MPST: variants seen among roughly 807,000 people sequenced by gnomAD.
The protein encoded by MPST is mercaptopyruvate sulfurtransferase.
Under a neutral mutation model 28.5 loss-of-function variants are expected in MPST, and 27 were observed. The observed-to-expected ratio is 0.95, with a 90% confidence interval of 0.70 to 1.31. MPST has a LOEUF of 1.31. MPST is among the 50% of genes most tolerant of loss of function. The pLI, the probability that MPST is intolerant of heterozygous loss-of-function variation, is 0.00. For synonymous variants in MPST, 204 were observed against 209.3 expected (o/e 0.97, Z 0.22); for missense variants, 492 against 471.1 (o/e 1.04, Z -0.41).
chr22:37,022,735 C>G (rs927650132), intron 1 of MPST, among the ~76,000 whole-genome samples: 1 of 152,238 alleles, frequency 6.6e-6, no homozygotes, highest in Non-Finnish European at 1.5e-5. Context: ...CACAGAGGCA[C>G]TCGGTCCACA....
intron 1 of MPST, chr22:37,023,972 G>A: frequency 7.4e-6 from 11 of 1,487,564 alleles, no homozygotes; most frequent in Non-Finnish European, 9.8e-6. Context: ...ATGGTCATTG[G>A]GTCACTCGGA....
At chr22:37,028,241 A>C (rs957733237) in intron 2 of MPST, 2 of 152,070 alleles carry the variant, frequency 1.3e-5, no homozygotes, top group Non-Finnish European at 2.9e-5. Context: ...TGTCTATAAA[A>C]ACCAAATTAG....
At chr22:37,023,918 G>T in intron 1 of MPST, 1 of 1,517,038 alleles carries the variant, frequency 6.6e-7, no homozygotes, top group Non-Finnish European at 8.8e-7. Context: ...CTCCTGCCCA[G>T]CAAGTGGAGG....
At chr22:37,029,084 T>G in intron 2 of MPST, 132 bp from the exon 3 acceptor site, 5 of 826,760 alleles carry the variant, frequency 6.0e-6, no homozygotes, top group Non-Finnish European at 9.3e-6. Flanking sequence ...GAGAATTAAA[T>G]GAGATGGTGG....
intron 1 of MPST, chr22:37,023,698 G>T: frequency 1.0e-6 from 1 of 962,758 alleles, no homozygotes; most frequent in Non-Finnish European, 1.3e-6. Flanking sequence ...ATATTGTTAG[G>T]ATTCAGTGGT....
intron 1 of MPST, among the ~76,000 whole-genome samples, chr22:37,021,498 A>C (rs780720826): frequency 2.0e-5 from 3 of 151,996 alleles, no homozygotes; most frequent in Admixed American, 6.6e-5. Context: ...TTTGAGATGG[A>C]GTCTCACTCT....
chr22:37,024,293 G>A lies in MPST; in HGVS notation c.138G>A (p.Gly46=), dbSNP rs1433696275. ...AGGCGCTGCGGGCCCCGCGCGCTGG[G>A]CAGCCTCTGCAGCTGCTGGACGCCT... ...VAEALRAPRA[G]QPLQLLDASW... The change falls in exon 2 of 3, where the codon GGG becomes GGA. Residue 46 remains glycine, a synonymous_variant. Transcript: ENST00000429360. 5 of 1,522,186 alleles carry A rather than the reference G, an allele frequency of 3.3e-6. No homozygotes were observed. Among genetic ancestry groups the A allele is most frequent in the Admixed American group, 2.0e-5 (1 of 48,884 alleles). 94.3% of individuals were successfully genotyped at this position (1,522,186 alleles called of 1,614,324 possible). A position where few individuals can be genotyped will look rare whatever the true frequency, so the allele number is the denominator to read the frequency against.
intron 1 of MPST, chr22:37,020,105 T>G (rs1922957413): frequency 6.6e-5 from 24 of 362,472 alleles, no homozygotes; most frequent in Non-Finnish European, 6.8e-5. Flanking sequence ...GGTGACCTGG[T>G]GGCACCAGAG....
At chr22:37,023,068 G>A (rs1273707137) in intron 1 of MPST, 1 of 153,098 alleles carries the variant, frequency 6.5e-6, no homozygotes, top group Admixed American at 6.5e-5. Flanking sequence ...GAGAGGAGAG[G>A]GAGGGAGGTG....
intron 2 of MPST, chr22:37,025,357 TC>T: frequency 2.9e-6 from 1 of 346,804 alleles, no homozygotes; most frequent in Non-Finnish European, 5.5e-6. Flanking sequence ...ATGGTCCTGA[TC>T]AGGGCTACCC....
At chr22:37,026,095 G>A (rs1289446430) in intron 2 of MPST, 1 of 152,154 alleles carries the variant, frequency 6.6e-6, no homozygotes, top group Non-Finnish European at 1.5e-5. Flanking sequence ...GTTTCATGTG[G>A]TTCAGCCTAA....
At chr22:37,022,764 C>T (rs930172959) in intron 1 of MPST, among the ~76,000 whole-genome samples, 2 of 152,214 alleles carry the variant, frequency 1.3e-5, no homozygotes, top group Admixed American at 6.5e-5. Flanking sequence ...TCTCTACCTG[C>T]CCCCTTCATT....
chr22:37,021,296 C>T (rs1923053489), intron 1 of MPST, among the ~76,000 whole-genome samples: 1 of 152,106 alleles, frequency 6.6e-6, no homozygotes, highest in African/African-American at 2.4e-5. Context: ...TGCCTTCACA[C>T]CCTCCTTTAT....
intron 1 of MPST, among the ~76,000 whole-genome samples, chr22:37,022,486 C>T (rs578077169): frequency 5.3e-5 from 8 of 152,268 alleles, no homozygotes; most frequent in African/African-American, 9.6e-5. Context: ...AAGCCAGCTG[C>T]GGCCAGACTG....
rs953181963 is a variant in MPST, at chr22:37,024,019, C to T, written c.37-173C>T. The stretch of plus-strand genomic sequence containing the variant: ...TATGAGGCCTGGCAGAGGGAGGCCC[C>T]TGGCTACCCACCTTTGTGCCCGGGT... On this transcript the variant is annotated intron_variant, in intron 1 of 2. Coordinates refer to ENST00000429360, the MANE Select transcript of MPST (RefSeq NM_021126.8). 6.0e-6 allele frequency: 8 copies of T among 1,323,038 alleles called. No homozygotes were observed. The African/African-American group carries it at 1.2e-4, about 20-fold the overall frequency. The allele number at this position is 1,323,038 out of a possible 1,614,324, so 82.0% of individuals were successfully genotyped here.
Position 37,029,557 on chromosome 22 carries a change from A to C in MPST, c.*43A>C. 1 of 1,532,892 alleles carries C rather than the reference A, an allele frequency of 6.5e-7. No homozygotes were observed. The highest frequency in any genetic ancestry group is 1.9e-5 in the Admixed American group (1 of 51,346). The allele number at this position is 1,532,892 out of a possible 1,614,324, so 95.0% of individuals were successfully genotyped here. A position where few individuals can be genotyped will look rare whatever the true frequency, so the allele number is the denominator to read the frequency against. ...GCGAGCTCAGGTGATGCCGGCCACC[A>C]GCAATGCCTGGCCTGGTAGCTCCGC... On this transcript the variant is annotated 3_prime_UTR_variant, in exon 3 of 3. Transcript: ENST00000429360.
rs1381646253 is a variant in MPST at position 37,029,636 on chromosome 22, T to G, written c.*122T>G. On this transcript the variant is annotated 3_prime_UTR_variant, in exon 3 of 3. Transcript: ENST00000429360. ...CACTCAACTCAGGTGGCATTTGGGG[T>G]GACATCTCAAAGGCCAGGAATTCCG... 3.1e-5 allele frequency: 33 copies of G among 1,076,432 alleles called. No individual in the cohort carries two copies. Among genetic ancestry groups the G allele is most frequent in the Non-Finnish European group, 4.2e-5 (32 of 762,160 alleles). The allele number at this position is 1,076,432 out of a possible 1,614,324, so 66.7% of individuals were successfully genotyped here.
At position 37,024,712 on chromosome 22, in the gene MPST, A is replaced by C; in HGVS notation, c.557A>C (p.Tyr186Ser). Residue 186 changes from tyrosine (Y) to serine (S), a missense_variant, in exon 2 of 3, where the codon TAC becomes TCC. Coordinates refer to ENST00000429360, the MANE Select transcript of MPST (RefSeq NM_021126.8). The stretch of plus-strand genomic sequence containing the variant: ...CTCGACCCCGCCTTCATCAAGACCT[A>C]CGAGGACATCAAGGAGAACCTGGAA... ...AQLDPAFIKT[Y>S]EDIKENLESR... 6.3e-7 allele frequency: 1 copy of C among 1,599,986 alleles called. No individual in the cohort carries two copies.
Position 37,024,573 on chromosome 22 carries a change from T to C in MPST, c.418T>C (p.Phe140Leu), listed in dbSNP as rs756718136. Residue 140 changes from phenylalanine to leucine, a missense_variant, in exon 2 of 3, where the codon TTC (phenylalanine) becomes CTC (leucine). Transcript: ENST00000429360. ...APRVWWMFRA[F>L]GHHAVSLLDG... is the part of the protein sequence containing the mutation. ...GCGCGTCTGGTGGATGTTCCGCGCC[T>C]TCGGCCACCACGCCGTGTCACTGCT... The C allele has an allele frequency of 3.8e-6, 6 of 1,587,294 alleles. No homozygotes were observed. In the African/African-American group the frequency reaches 8.1e-5, roughly 21 times the overall value.
Sources: allele counts gnomAD v4.1 joint callset (sites outside exome capture counted in the v4.1 genomes callset), GRCh38; gene constraint gnomAD v4.1.1; transcripts MANE v1.5; gene names NCBI Gene and HGNC (gene_info 2026-07-23, HGNC 2026-07-21).